Variants in LSS observed in about 807,000 individuals in gnomAD.
The protein encoded by LSS is lanosterol synthase.
A neutral mutation model predicts 110.3 loss-of-function variants in LSS; 90 were observed. The ratio of observed to expected loss-of-function variants is 0.82; its 90% CI spans 0.69 to 0.97. The LOEUF is 0.97. Ranked by LOEUF, LSS falls within the 50% of genes least tolerant of loss-of-function variation. The probability of loss-of-function intolerance (pLI) is 0.00; values close to 1 mark genes in which losing one functional copy is unlikely to be tolerated. For missense variants in LSS, 927 were observed against 990.0 expected, an observed-to-expected ratio of 0.94 and a Z score of 0.85; for synonymous variants, 433 against 400.0, an observed-to-expected ratio of 1.08 and a Z score of -0.98.
chr21:46,207,839 G>GC (rs1396999973), intron 14 of LSS, among the ~76,000 whole-genome samples: 1 of 152,096 alleles, frequency 6.6e-6, no homozygotes, highest in African/African-American at 2.4e-5. Context: ...GGGCCCAGGT[G>GC]CCCCCCACCC....
intron 17 of LSS, among the ~76,000 whole-genome samples, chr21:46,197,193 A>C (rs528116505): frequency 6.6e-6 from 1 of 152,284 alleles, no homozygotes; most frequent in Non-Finnish European, 1.5e-5. Context: ...CAAATTAGTA[A>C]TATTAGCAAT....
chr21:46,215,093 T>C (rs1002689510), intron 9 of LSS, 87 bp downstream of exon 9: 1 of 1,114,166 alleles, frequency 9.0e-7, no homozygotes. Context: ...GAAACCCCAC[T>C]CCCAGCTCAC....
intron 17 of LSS, 40 bp from the exon 18 acceptor site, chr21:46,196,307 C>A: frequency 1.3e-6 from 2 of 1,530,392 alleles, no homozygotes; most frequent in Non-Finnish European, 1.8e-6. Context: ...TCTGGTAAAA[C>A]AGCAGTTTAC....
chr21:46,196,158 T>C (rs1181423146), intron 18 of LSS, 44 bp downstream of exon 18: 3 of 1,584,910 alleles, frequency 1.9e-6, no homozygotes, highest in Non-Finnish European at 2.6e-6. Flanking sequence ...CAGAAACCTG[T>C]GGATCCCGTG....
intron 3 of LSS, among the ~76,000 whole-genome samples, chr21:46,223,251 A>AG (rs1601450080): frequency 6.6e-6 from 1 of 152,166 alleles, no homozygotes; most frequent in Non-Finnish European, 1.5e-5. Flanking sequence ...TGCAAATGTC[A>AG]GGGGGGAGGC....
In LSS at chr21:46,191,159, G is replaced by A. The variant is rs377110619; in HGVS notation, c.2144C>T (p.Ala715Val). 1.2e-6 allele frequency: 2 copies of A among 1,614,070 alleles called. No homozygotes were observed. Among genetic ancestry groups the A allele is most frequent in the African/African-American group, 2.7e-5 (2 of 74,934 alleles). The change falls in exon 22 of 22, where the codon GCC (alanine) becomes GTC (valine). Residue 715 changes from alanine to valine, a missense_variant. Coordinates refer to ENST00000397728, the MANE Select transcript of LSS (RefSeq NM_002340.6). ...GTACAGCTGGGAGAAGCGGCCGAGG[G>A]CCCAGATGGGGAAGATGTTCCTGTA... is the stretch of plus-strand genomic sequence containing the variant. ...TSYRNIFPIW[A>V]LGRFSQLYPE...
chr21:46,199,124 C>T (rs554695159), intron 17 of LSS, among the ~76,000 whole-genome samples: 93 of 152,046 alleles, frequency 6.1e-4, no homozygotes, highest in Non-Finnish European at 1.1e-3. Flanking sequence ...AAAATATTTG[C>T]GAAAGACATA....
At chr21:46,207,873 C>A (rs1038895574) in intron 14 of LSS, among the ~76,000 whole-genome samples, 4 of 152,214 alleles carry the variant, frequency 2.6e-5, no homozygotes, top group African/African-American at 7.2e-5. Flanking sequence ...GCAGCAGCAG[C>A]TGGGTCCATG....
intron 20 of LSS, 33 bp downstream of exon 20, chr21:46,194,458 C>T: frequency 1.2e-6 from 2 of 1,610,350 alleles, no homozygotes; most frequent in African/African-American, 1.3e-5. Flanking sequence ...TCTACCCAAA[C>T]CCAAGGCTCA....
chr21:46,219,671 C>T (rs779072502), intron 5 of LSS, 99 bp from the exon 6 acceptor site: 87 of 669,836 alleles, frequency 1.3e-4, no homozygotes, highest in Middle Eastern at 5.2e-4. Context: ...GTCACGTGTG[C>T]CCCTCTCCAT....
rs757544803 is a variant in LSS at position 46,194,546 on chromosome 21, C to T, written c.1933G>A (p.Ala645Thr). The T allele has an allele frequency of 1.2e-6, 2 of 1,613,934 alleles. No individual in the cohort carries two copies. Among genetic ancestry groups the T allele is most frequent in the South Asian group, 1.1e-5 (1 of 91,090 alleles). The stretch of plus-strand genomic sequence containing the variant: ...CATGTGTTATGGATCTGGGACTGGG[C>T]ACTCTGCAAATAACGCCGCTCCTCG... ...SCEERRYLQSAQSQIHNTCWA... is the reference protein window; with the variant it reads ...SCEERRYLQSTQSQIHNTCWA... The change falls in exon 20 of 22, where the codon GCC (alanine) becomes ACC (threonine). Residue 645 changes from alanine to threonine, a missense_variant. By Grantham distance (58) the Ala-to-Thr change is moderately conservative. Coordinates refer to ENST00000397728, the MANE Select transcript of LSS (RefSeq NM_002340.6).
chr21:46,210,792 T>G (rs749004347), intron 11 of LSS, 48 bp from the exon 12 acceptor site: 1 of 1,570,662 alleles, frequency 6.4e-7, no homozygotes, highest in Non-Finnish European at 8.7e-7. Flanking sequence ...CCCCTCCCAC[T>G]CCCAGCCACT....
At chr21:46,220,698 T>C (rs1241629773) in intron 5 of LSS, among the ~76,000 whole-genome samples, 1 of 152,146 alleles carries the variant, frequency 6.6e-6, no homozygotes, top group African/African-American at 2.4e-5. Flanking sequence ...TGGATTCCCT[T>C]GGGCTGGAAT....
At chr21:46,222,797 G>T in intron 3 of LSS, 59 bp from the exon 4 acceptor site, 1 of 1,321,610 alleles carries the variant, frequency 7.6e-7, no homozygotes. Flanking sequence ...GCTAAGACCA[G>T]GCCCCTTTCC....
intron 16 of LSS, 109 bp downstream of exon 16, chr21:46,206,563 C>G: frequency 1.1e-6 from 1 of 900,426 alleles, no homozygotes; most frequent in East Asian, 2.5e-5. Context: ...GCCGGTGAAC[C>G]TGGGCCCTTG....
chr21:46,192,578 C>G (rs1370645141), intron 20 of LSS: 6 of 364,820 alleles, frequency 1.6e-5, no homozygotes, highest in African/African-American at 7.2e-5. Context: ...GTATGTACAT[C>G]TGTCTCCATG....
At chr21:46,220,629 C>T (rs540799100) in intron 5 of LSS, among the ~76,000 whole-genome samples, 31 of 152,360 alleles carry the variant, frequency 2.0e-4, no homozygotes, top group African/African-American at 7.2e-4. Context: ...AGGACAAGAC[C>T]AGGCCAGGCT....
Position 46,194,810 on chromosome 21 carries a change from C to T in LSS, c.1818-149G>A, listed in dbSNP as rs117693065. The T allele has an allele frequency of 2.8e-4, 199 of 709,196 alleles. 4 individuals are homozygous for T. Among genetic ancestry groups the T allele is most frequent in the South Asian group, 2.4e-3 (115 of 48,606 alleles). The allele number at this position is 709,196 out of a possible 1,614,324, so 43.9% of individuals were successfully genotyped here. Reference sequence around the variant, plus strand: ...AGGGCCATGGGCCACTACTGAAACCCGAGCTTGACTTTTGCAGATGTGAAC... The same window carrying T: ...AGGGCCATGGGCCACTACTGAAACCTGAGCTTGACTTTTGCAGATGTGAAC... On this transcript the variant is annotated intron_variant, in intron 19 of 21. Transcript: ENST00000397728.
intron 6 of LSS, among the ~76,000 whole-genome samples, chr21:46,218,873 C>G (rs915650898): frequency 7.9e-5 from 12 of 151,868 alleles, no homozygotes; most frequent in Non-Finnish European, 1.8e-4. Flanking sequence ...ACTAGAGGCA[C>G]GCGCCGCCAC....
Sources: gnomAD v4.1 joint callset for allele counts (sites outside exome capture counted in the v4.1 genomes callset) on GRCh38, gnomAD v4.1.1 for gene constraint, MANE v1.5 for transcripts, NCBI Gene and HGNC (gene_info 2026-07-23, HGNC 2026-07-21) for gene names.